The following BNIP3L variants were observed in gnomAD, a reference collection of about 807,000 sequenced individuals.
BNIP3L encodes BCL2/adenovirus E1B 19 kDa protein-interacting protein 3-like.
BNIP3L carries 10 observed loss-of-function variants against 25.5 expected under a neutral mutation model. The ratio of observed to expected loss-of-function variants is 0.39; its 90% CI spans 0.24 to 0.67. BNIP3L has a LOEUF of 0.67. BNIP3L is among the 30% of genes least tolerant of loss of function. BNIP3L has a pLI of 0.45. For synonymous variants in BNIP3L, 113 were observed against 101.2 expected, an observed-to-expected ratio of 1.12 and a Z score of -0.70; for missense variants, 215 against 270.9, an observed-to-expected ratio of 0.79 and a Z score of 1.45.
intron 5 of BNIP3L, 127 bp downstream of exon 5, chr8:26,408,503 C>T (rs1021374721): frequency 8.7e-7 from 1 of 1,151,080 alleles, no homozygotes; most frequent in Non-Finnish European, 1.2e-6. Context: ...ATAAGGTGAA[C>T]TTAAAAAAGT....
At chr8:26,408,688 A>G (rs1806551823) in intron 5 of BNIP3L, among the ~76,000 whole-genome samples, 1 of 152,172 alleles carries the variant, frequency 6.6e-6, no homozygotes, top group South Asian at 2.1e-4. Flanking sequence ...CCTGGCCAAC[A>G]TGGTGAAACC....
At chr8:26,402,398 A>T (rs1254530144) in intron 3 of BNIP3L, among the ~76,000 whole-genome samples, 2 of 152,220 alleles carry the variant, frequency 1.3e-5, no homozygotes, top group Non-Finnish European at 2.9e-5. Flanking sequence ...TGTACCACGG[A>T]ATCCAGGAGA....
intron 1 of BNIP3L, among the ~76,000 whole-genome samples, chr8:26,389,178 A>G (rs1349356326): frequency 2.0e-5 from 3 of 152,038 alleles, no homozygotes; most frequent in Non-Finnish European, 2.9e-5. Flanking sequence ...GTTTGTTACT[A>G]TTGTACACAT....
intron 3 of BNIP3L, among the ~76,000 whole-genome samples, chr8:26,398,740 G>T (rs1270883504): frequency 1.1e-5 from 1 of 91,192 alleles, no homozygotes; most frequent in Non-Finnish European, 2.3e-5. Context: ...GACTAATAAA[G>T]AAAAAAAGAG....
intron 3 of BNIP3L, among the ~76,000 whole-genome samples, chr8:26,402,179 C>T (rs1027307302): frequency 1.3e-5 from 2 of 152,122 alleles, no homozygotes; most frequent in Non-Finnish European, 1.5e-5. Context: ...TTGCTTTTCT[C>T]TGAAATGTCG....
chr8:26,383,298 G>T (rs892862003), intron 1 of BNIP3L, 68 bp downstream of exon 1: 4 of 1,550,516 alleles, frequency 2.6e-6, no homozygotes, highest in African/African-American at 2.7e-5. Context: ...GCCGCCACCG[G>T]CGCGGCGCGG....
At chr8:26,387,116 C>G (rs1316258533) in intron 1 of BNIP3L, among the ~76,000 whole-genome samples, 1 of 152,128 alleles carries the variant, frequency 6.6e-6, no homozygotes, top group Non-Finnish European at 1.5e-5. Flanking sequence ...TCCCAAAGCT[C>G]CTCTCTTCTT....
At chr8:26,390,380 C>T (rs1265661417) in intron 1 of BNIP3L, 52 of 985,316 alleles carry the variant, frequency 5.3e-5, no homozygotes, top group Non-Finnish European at 6.0e-5. Flanking sequence ...ACCCCTTCAA[C>T]TTTTTGTCCA....
intron 3 of BNIP3L, among the ~76,000 whole-genome samples, chr8:26,406,982 A>C (rs1354113843): frequency 6.7e-6 from 1 of 149,840 alleles, no homozygotes; most frequent in Non-Finnish European, 1.5e-5. Context: ...TTTTTTAATT[A>C]TGAAATTTTT....
At chr8:26,405,496 CAA>C (rs1237216654) in intron 3 of BNIP3L, among the ~76,000 whole-genome samples, 2 of 152,184 alleles carry the variant, frequency 1.3e-5, no homozygotes, top group African/African-American at 2.4e-5. Flanking sequence ...TTGGTACTAA[CAA>C]GAGCAGCAGA....
At chr8:26,390,077 A>G (rs1471864502) in intron 1 of BNIP3L, among the ~76,000 whole-genome samples, 1 of 152,152 alleles carries the variant, frequency 6.6e-6, no homozygotes, top group Admixed American at 6.5e-5. Context: ...TTTGCTGTGA[A>G]GTTAAGTTTA....
chr8:26,395,555 G>A (rs1448100054), intron 3 of BNIP3L: 1 of 425,938 alleles, frequency 2.3e-6, no homozygotes, highest in Non-Finnish European at 4.2e-6. Flanking sequence ...CTCCAGGCTA[G>A]TTTCTTGAGT....
At chr8:26,395,556 T>G (rs1278507176) in intron 3 of BNIP3L, 4 of 427,586 alleles carry the variant, frequency 9.4e-6, no homozygotes, top group Non-Finnish European at 1.3e-5. Flanking sequence ...TCCAGGCTAG[T>G]TTCTTGAGTG....
At chr8:26,410,146 T>C (rs1254126766) in intron 5 of BNIP3L, among the ~76,000 whole-genome samples, 1 of 152,154 alleles carries the variant, frequency 6.6e-6, no homozygotes, top group Admixed American at 6.5e-5. Flanking sequence ...AGCCCCGATA[T>C]TTAATGAGTA....
intron 2 of BNIP3L, 62 bp from the exon 3 acceptor site, chr8:26,395,168 A>C: frequency 2.0e-6 from 3 of 1,538,140 alleles, no homozygotes; most frequent in Non-Finnish European, 2.7e-6. Context: ...AATTTCTAGT[A>C]GAGACTAAGT....
chr8:26,393,812 T>A (rs1179270701), intron 2 of BNIP3L, among the ~76,000 whole-genome samples: 1 of 152,070 alleles, frequency 6.6e-6, no homozygotes, highest in Non-Finnish European at 1.5e-5. Flanking sequence ...AGACAAAAAT[T>A]TCCTAAATAT....
At chr8:26,400,607 C>A (rs978423233) in intron 3 of BNIP3L, among the ~76,000 whole-genome samples, 20 of 140,828 alleles carry the variant, frequency 1.4e-4, no homozygotes, top group Non-Finnish European at 2.3e-4. Flanking sequence ...GCAAAAGAAA[C>A]TACCATCAGA....
At chr8:26,390,594 A>G in intron 1 of BNIP3L, 1 of 961,004 alleles carries the variant, frequency 1.0e-6, no homozygotes, top group Non-Finnish European at 1.2e-6. Context: ...AATCAGTGAG[A>G]TAGAGATAAA....
At chr8:26,402,079 T>C (rs946270198) in intron 3 of BNIP3L, among the ~76,000 whole-genome samples, 1 of 152,234 alleles carries the variant, frequency 6.6e-6, no homozygotes, top group African/African-American at 2.4e-5. Context: ...TCCTGGGCAC[T>C]AGAAATATTT....
Sources: gnomAD v4.1 joint callset for allele counts (sites outside exome capture counted in the v4.1 genomes callset) on GRCh38, gnomAD v4.1.1 for gene constraint, MANE v1.5 for transcripts, NCBI Gene and HGNC (gene_info 2026-07-23, HGNC 2026-07-21) for gene names.